The following TIPARP variants were observed in gnomAD, a reference collection of about 807,000 sequenced individuals.
TIPARP encodes the protein protein mono-ADP-ribosyltransferase TIPARP.
In TIPARP, 12 loss-of-function variants were observed where a neutral mutation model predicts 56.5. The observed-to-expected ratio is 0.21, with a 90% CI of 0.14 to 0.34. The LOEUF (loss-of-function observed/expected upper bound fraction) is 0.34. Ranked by LOEUF, TIPARP falls within the 10% of genes least tolerant of loss-of-function variation. The pLI, the probability that TIPARP is intolerant of heterozygous loss-of-function variation, is 1.00. For synonymous variants in TIPARP, 296 were observed against 265.7 expected, an observed-to-expected ratio of 1.11 and a Z score of -1.11; for missense variants, 604 against 781.6, an observed-to-expected ratio of 0.77 and a Z score of 2.71.
Position 156,706,477 on chromosome 3 carries a change from T to C in TIPARP, c.*1346T>C, listed in dbSNP as rs1465578717. ...TGATGTCTCAGTGAATCAGTCTGTT[T>C]ATTAAGCACTTATCAGGGCTTCCAC... On this transcript the variant is annotated 3_prime_UTR_variant, in exon 6 of 6. Coordinates refer to ENST00000295924, the MANE Select transcript of TIPARP (RefSeq NM_015508.5). The C allele has an allele frequency of 2.0e-5, 3 of 152,680 alleles. No individual in the cohort carries two copies. The allele number at this position is 152,680 out of a possible 1,614,324, so 9.5% of individuals were successfully genotyped here.
At chr3:156,692,291 A>T (rs966111740) in intron 2 of TIPARP, among the ~76,000 whole-genome samples, 1 of 152,144 alleles carries the variant, frequency 6.6e-6, no homozygotes, top group African/African-American at 2.4e-5. Flanking sequence ...GCTTAAGGCA[A>T]CTTGATATGA....
At chr3:156,682,639 A>G (rs1442721806) in intron 2 of TIPARP, among the ~76,000 whole-genome samples, 1 of 152,226 alleles carries the variant, frequency 6.6e-6, no homozygotes, top group Non-Finnish European at 1.5e-5. Context: ...GGAGTAGTTA[A>G]ATTAGCCAAG....
At chr3:156,695,825 C>CTTTTTTTT (rs762443722) in intron 3 of TIPARP, 40 bp from the exon 4 acceptor site, 1 of 712,614 alleles carries the variant, frequency 1.4e-6, no homozygotes, top group African/African-American at 4.6e-5. Context: ...TATTAACTTT[C>CTTTTTTTT]CTTTTTTTTT....
chr3:156,695,852 T>TTTTTTTTTC lies in TIPARP; in HGVS notation c.1087-12_1087-11insTTTTTTTCT. 1 of 1,501,414 alleles carries TTTTTTTTTC rather than the reference T, an allele frequency of 6.7e-7. No homozygotes were observed. Among genetic ancestry groups the TTTTTTTTTC allele is most frequent in the South Asian group, 1.3e-5 (1 of 74,724 alleles). The allele number at this position is 1,501,414 out of a possible 1,614,324, so 93.0% of individuals were successfully genotyped here. On this transcript the variant is annotated splice_polypyrimidine_tract_variant and intron_variant, in intron 3 of 5. Transcript: ENST00000295924. ...TTTTTTTTTTTTTTTTTGTTCTGTTTTCTCCTCCATAGTCTGTCATTCGAT... is the reference window on the plus strand; with the variant it reads ...TTTTTTTTTTTTTTTTTGTTCTGTTTTTTTTTTTCTCTCCTCCATAGTCTGTCATTCGAT...
In TIPARP at chr3:156,706,169, A is replaced by G. The variant is rs766090588; in HGVS notation, c.*1038A>G. On this transcript the variant is annotated 3_prime_UTR_variant, in exon 6 of 6. Transcript: ENST00000295924. ...GCTGACTCTGTACCTTACTTACACT[A>G]CTTACTTAATAGAAACACAAACTTG... is the stretch of plus-strand genomic sequence containing the variant. 1.3e-5 allele frequency: 2 copies of G among 152,580 alleles called. No homozygotes were observed. The highest frequency in any genetic ancestry group is 2.9e-5 in the Non-Finnish European group (2 of 68,010). The allele number at this position is 152,580 out of a possible 1,614,324, so 9.5% of individuals were successfully genotyped here. A position where few individuals can be genotyped will look rare whatever the true frequency, so the allele number is the denominator to read the frequency against.
intron 2 of TIPARP, among the ~76,000 whole-genome samples, chr3:156,679,112 C>T (rs893023667): frequency 6.6e-6 from 1 of 152,112 alleles, no homozygotes; most frequent in African/African-American, 2.4e-5. Context: ...GAAGTTCCTC[C>T]CATACTTCTG....
chr3:156,680,330 T>A (rs1162630278), intron 2 of TIPARP, among the ~76,000 whole-genome samples: 2 of 152,100 alleles, frequency 1.3e-5, no homozygotes, highest in Non-Finnish European at 2.9e-5. Flanking sequence ...AAGAGAAAAA[T>A]GTTTTTCCAT....
At chr3:156,698,184 A>G (rs1434257767) in intron 4 of TIPARP, among the ~76,000 whole-genome samples, 1 of 152,186 alleles carries the variant, frequency 6.6e-6, no homozygotes, top group Non-Finnish European at 1.5e-5. Flanking sequence ...GTTTAAACCT[A>G]ACAGAGGTTG....
intron 1 of TIPARP, among the ~76,000 whole-genome samples, chr3:156,676,879 G>C (rs1357506021): frequency 6.6e-6 from 1 of 151,962 alleles, no homozygotes; most frequent in Non-Finnish European, 1.5e-5. Flanking sequence ...TTTTCTGAAG[G>C]CAAGAACTAG....
chr3:156,678,258 C>T lies in TIPARP; in HGVS notation c.561C>T (p.Gly187=). ...CLDKVIDYVP[G]IFQENSFTIQ... ...ACAAAGTCATAGATTATGTTCCAGGCATTTTCCAAGAAAACAGTTTTACAA... is the reference window on the plus strand; with the variant it reads ...ACAAAGTCATAGATTATGTTCCAGGTATTTTCCAAGAAAACAGTTTTACAA... Residue 187 remains glycine (G), a synonymous_variant, in exon 2 of 6, where the codon GGC becomes GGT. Coordinates refer to ENST00000295924, the MANE Select transcript of TIPARP (RefSeq NM_015508.5). 6.2e-7 allele frequency: 1 copy of T among 1,614,168 alleles called. No individual in the cohort carries two copies. The highest frequency in any genetic ancestry group is 8.5e-7 in the Non-Finnish European group (1 of 1,180,038).
At chr3:156,677,420 C>T (rs1201828259) in intron 1 of TIPARP, among the ~76,000 whole-genome samples, 1 of 152,146 alleles carries the variant, frequency 6.6e-6, no homozygotes, top group Non-Finnish European at 1.5e-5. Flanking sequence ...AAATGCATGC[C>T]AATGGCCTGT....
chr3:156,702,899 T>C (rs1186180082), intron 4 of TIPARP, among the ~76,000 whole-genome samples: 1 of 152,236 alleles, frequency 6.6e-6, no homozygotes, highest in Non-Finnish European at 1.5e-5. Context: ...GAAGCAAATG[T>C]CAAATATTAG....
intron 2 of TIPARP, among the ~76,000 whole-genome samples, chr3:156,689,417 A>C (rs2108492021): frequency 6.6e-6 from 1 of 152,342 alleles, no homozygotes; most frequent in South Asian, 2.1e-4. Flanking sequence ...ATAACTATAC[A>C]TGGCTGTTCA....
chr3:156,703,349 GAT>G, intron 4 of TIPARP, 73 bp from the exon 5 acceptor site: 1 of 1,440,798 alleles, frequency 6.9e-7, no homozygotes, highest in Non-Finnish European at 9.5e-7. Flanking sequence ...AGTAGACACT[GAT>G]ATAGATCACT....
At chr3:156,704,012 CAA>C (rs11452301) in intron 5 of TIPARP, among the ~76,000 whole-genome samples, 4 of 122,218 alleles carry the variant, frequency 3.3e-5, no homozygotes, top group Admixed American at 8.7e-5. Flanking sequence ...GACTCCGTCT[CAA>C]AAAAAAAAAA....
chr3:156,704,422 G>C (rs942438885), intron 5 of TIPARP, among the ~76,000 whole-genome samples: 7 of 152,172 alleles, frequency 4.6e-5, no homozygotes, highest in Non-Finnish European at 8.8e-5. Context: ...TAGGCAAGGA[G>C]GGCATCCTGA....
chr3:156,682,297 C>G (rs1722328192), intron 2 of TIPARP, among the ~76,000 whole-genome samples: 1 of 152,104 alleles, frequency 6.6e-6, no homozygotes, highest in South Asian at 2.1e-4. Context: ...GTTGCAAACC[C>G]TGAATCCATT....
In TIPARP at chr3:156,706,228, G is replaced by A. The variant is rs966621261; in HGVS notation, c.*1097G>A. The A allele has an allele frequency of 1.3e-5, 2 of 152,594 alleles. No individual in the cohort carries two copies. Among genetic ancestry groups the A allele is most frequent in the Non-Finnish European group, 2.9e-5 (2 of 68,022 alleles). 9.5% of individuals were successfully genotyped at this position (152,594 alleles called of 1,614,324 possible). A position where few individuals can be genotyped will look rare whatever the true frequency, so the allele number is the denominator to read the frequency against. On this transcript the variant is annotated 3_prime_UTR_variant, in exon 6 of 6. Coordinates refer to ENST00000295924, the MANE Select transcript of TIPARP (RefSeq NM_015508.5). ...GCCAGTGGTCCAGCTGGAGCACAAC[G>A]TTTGGTGAATATGCTGTTTCCTCAG...
chr3:156,681,207 A>G (rs776686352), intron 2 of TIPARP: 1 of 456,672 alleles, frequency 2.2e-6, no homozygotes, highest in Non-Finnish European at 4.4e-6. Flanking sequence ...TGGTTACCAC[A>G]TTATTTGGCT....
Sources: gnomAD v4.1 joint callset for allele counts (sites outside exome capture counted in the v4.1 genomes callset) on GRCh38, gnomAD v4.1.1 for gene constraint, MANE v1.5 for transcripts, NCBI Gene and HGNC (gene_info 2026-07-23, HGNC 2026-07-21) for gene names.